The following SPIRE1 variants were observed in gnomAD, a reference collection of about 807,000 sequenced individuals.
SPIRE1 encodes protein spire homolog 1.
A neutral mutation model predicts 94.1 loss-of-function variants in SPIRE1; 40 were observed. The ratio of observed to expected loss-of-function variants is 0.43; its 90% CI spans 0.33 to 0.55. The LOEUF (loss-of-function observed/expected upper bound fraction) is 0.55, where lower values mean the gene tolerates loss of function less well. Ranked by LOEUF, SPIRE1 falls within the 20% of genes least tolerant of loss-of-function variation. The pLI, the probability that SPIRE1 is intolerant of heterozygous loss-of-function variation, is 0.06. For synonymous variants in SPIRE1, 376 were observed against 371.7 expected, an observed-to-expected ratio of 1.01 and a Z score of -0.13; for missense variants, 838 against 975.2, an observed-to-expected ratio of 0.86 and a Z score of 1.87.
intron 6 of SPIRE1, among the ~76,000 whole-genome samples, chr18:12,496,603 C>T (rs1181572632): frequency 1.3e-5 from 2 of 152,158 alleles, no homozygotes; most frequent in Non-Finnish European, 2.9e-5. Flanking sequence ...GGTGTGGTGG[C>T]TCACGTCTGT....
intron 2 of SPIRE1, among the ~76,000 whole-genome samples, chr18:12,573,340 A>G (rs1046772443): frequency 6.6e-6 from 1 of 152,192 alleles, no homozygotes; most frequent in African/African-American, 2.4e-5. Context: ...ACCAAATGCT[A>G]GCAAGGATGT....
At chr18:12,531,311 A>G (rs1023141282) in intron 4 of SPIRE1, among the ~76,000 whole-genome samples, 3 of 152,142 alleles carry the variant, frequency 2.0e-5, no homozygotes, top group Admixed American at 6.5e-5. Flanking sequence ...ACATTCTCTC[A>G]TAAACTCTCT....
chr18:12,515,159 GA>G (rs1399937703), intron 4 of SPIRE1, among the ~76,000 whole-genome samples: 1 of 151,766 alleles, frequency 6.6e-6, no homozygotes, highest in Admixed American at 6.6e-5. Context: ...ATAAAAATAT[GA>G]AAAAAGCTGA....
intron 2 of SPIRE1, among the ~76,000 whole-genome samples, chr18:12,564,903 T>G (rs892802574): frequency 2.0e-5 from 3 of 151,524 alleles, no homozygotes; most frequent in Non-Finnish European, 4.4e-5. Flanking sequence ...AAAAACAAAA[T>G]GGAGTATCTA....
In SPIRE1 at chr18:12,651,993, C is replaced by G. The variant is rs148926885; in HGVS notation, c.337+5537G>C. On this transcript the variant is annotated intron_variant, in intron 1 of 16. Transcript: ENST00000409402. Reference sequence around the variant, plus strand: ...ATATGGCCATAATTTTTAAACGATTCTTTATACATCTAAACTAAAGGTACA... The same window carrying G: ...ATATGGCCATAATTTTTAAACGATTGTTTATACATCTAAACTAAAGGTACA... Among the ~76,000 whole-genome samples, 281 of 152,252 alleles carry G rather than the reference C, an allele frequency of 1.8e-3. 1 individual carries two copies. Among genetic ancestry groups the G allele is most frequent in the African/African-American group, 6.2e-3 (258 of 41,554 alleles).
At chr18:12,461,437 T>TAC (rs1233992732) in intron 12 of SPIRE1, among the ~76,000 whole-genome samples, 37,158 of 129,874 alleles carry the variant, frequency 0.29, 6,654 homozygotes, top group East Asian at 0.51. Flanking sequence ...TGTATGTATG[T>TAC]ATATACATAC....
intron 2 of SPIRE1, among the ~76,000 whole-genome samples, chr18:12,626,219 G>A (rs901379836): frequency 2.6e-5 from 4 of 152,150 alleles, no homozygotes; most frequent in African/African-American, 7.2e-5. Context: ...ATTTTAGGAT[G>A]CTCAGAAAAC....
At chr18:12,503,804 G>T (rs2033745210) in intron 6 of SPIRE1, among the ~76,000 whole-genome samples, 2 of 147,436 alleles carry the variant, frequency 1.4e-5, no homozygotes, top group African/African-American at 5.1e-5. Flanking sequence ...ATTTTTAAAT[G>T]TTTAAAAGCA....
At position 12,526,092 on chromosome 18, in the gene SPIRE1, C is replaced by CACACACACACACACACACAG. The variant is rs765621602; in HGVS notation, c.729+9383_729+9384insCTGTGTGTGTGTGTGTGTGT. On this transcript the variant is annotated intron_variant, in intron 4 of 16. Transcript: ENST00000409402. ...ACACACACACACACACACACACACA[C>CACACACACACACACACACAG]AGAGATGTATCTGATGCCTGCAGAA... Among the ~76,000 whole-genome samples the CACACACACACACACACACAG allele has an allele frequency of 3.3e-3, 489 of 149,006 alleles. 4 individuals carry two copies. The highest frequency in any genetic ancestry group is 7.0e-3 in the Middle Eastern group (2 of 286).
intron 12 of SPIRE1, among the ~76,000 whole-genome samples, chr18:12,458,325 G>A (rs1188875928): frequency 6.6e-6 from 1 of 151,768 alleles, no homozygotes; most frequent in Non-Finnish European, 1.5e-5. Flanking sequence ...AAAACTCAAA[G>A]TGAAGGCCAG....
chr18:12,594,060 A>T (rs1432346395), intron 2 of SPIRE1, among the ~76,000 whole-genome samples: 1 of 152,214 alleles, frequency 6.6e-6, no homozygotes, highest in African/African-American at 2.4e-5. Context: ...TTGGAAGGAC[A>T]ACTAATATAG....
At chr18:12,476,576 T>A (rs1174558847) in intron 10 of SPIRE1, among the ~76,000 whole-genome samples, 6 of 123,708 alleles carry the variant, frequency 4.9e-5, no homozygotes, top group Non-Finnish European at 1.0e-4. Context: ...TATATATATA[T>A]ATATATATAT....
In SPIRE1 at chr18:12,547,726, G is replaced by C. The variant is rs543429306; in HGVS notation, c.373-822C>G. Reference sequence around the variant, plus strand: ...GGAGGCTGAGGCGAGCAGATCACTTGAGGTCAGGAGTTCGAGATCAGCCTG... The same window carrying C: ...GGAGGCTGAGGCGAGCAGATCACTTCAGGTCAGGAGTTCGAGATCAGCCTG... On this transcript the variant is annotated intron_variant, in intron 2 of 16. Transcript: ENST00000409402. 3.3e-5 allele frequency among the ~76,000 whole-genome samples: 5 copies of C among 152,322 alleles called. No individual in the cohort carries two copies. In the South Asian group the frequency reaches 8.3e-4, roughly 25 times the overall value.
intron 2 of SPIRE1, among the ~76,000 whole-genome samples, chr18:12,616,470 C>A (rs1035479933): frequency 3.3e-5 from 5 of 152,138 alleles, no homozygotes; most frequent in African/African-American, 1.2e-4. Flanking sequence ...TGAGGTTTTA[C>A]TTGCGGGTGG....
chr18:12,652,907 T>A (rs2038421668), intron 1 of SPIRE1: 1 of 152,210 alleles, frequency 6.6e-6, no homozygotes. Flanking sequence ...CTAAAAGGAC[T>A]AAATGGAGTG....
chr18:12,658,720 C>CGGGG, upstream of SPIRE1: 1 of 416,596 alleles, frequency 2.4e-6, no homozygotes, highest in Non-Finnish European at 5.1e-6. Flanking sequence ...CCGCTCTGCG[C>CGGGG]GTTTTCCGAT....
intron 2 of SPIRE1, among the ~76,000 whole-genome samples, chr18:12,588,627 C>G (rs62097123): frequency 7.8e-6 from 1 of 128,864 alleles, no homozygotes; most frequent in African/African-American, 2.6e-5. Context: ...AAAAAAAAAC[C>G]TCCGTGGACT....
chr18:12,599,989 C>T (rs1425788880), intron 2 of SPIRE1, among the ~76,000 whole-genome samples: 1 of 151,940 alleles, frequency 6.6e-6, no homozygotes, highest in Non-Finnish European at 1.5e-5. Context: ...CTGGAGTCTC[C>T]TCTCCTTTGC....
intron 1 of SPIRE1, among the ~76,000 whole-genome samples, chr18:12,649,430 T>C (rs2038315531): frequency 6.6e-6 from 1 of 152,084 alleles, no homozygotes; most frequent in African/African-American, 2.4e-5. Flanking sequence ...TTTTTTTGAC[T>C]AAAAATTCCC....
Sources: allele counts gnomAD v4.1 joint callset (sites outside exome capture counted in the v4.1 genomes callset), GRCh38; gene constraint gnomAD v4.1.1; transcripts MANE v1.5; gene names NCBI Gene and HGNC (gene_info 2026-07-23, HGNC 2026-07-21).